MANBAL: variants seen among roughly 807,000 people sequenced by gnomAD.
The protein encoded by MANBAL is mannosidase beta like.
In MANBAL, 1 loss-of-function variant was observed where a neutral mutation model predicts 6.4. The ratio of observed to expected loss-of-function variants is 0.16; its 90% CI spans 0.06 to 0.74. The LOEUF is 0.74. Among genes scored for constraint, MANBAL ranks in the 30% least tolerant of loss-of-function variants. The probability of loss-of-function intolerance (pLI) is 0.78; values close to 1 mark genes in which losing one functional copy is unlikely to be tolerated. For synonymous variants in MANBAL, 47 were observed against 45.8 expected, an observed-to-expected ratio of 1.03 and a Z score of -0.10; for missense variants, 100 against 107.8, an observed-to-expected ratio of 0.93 and a Z score of 0.32.
chr20:37,294,193 T>C (rs1016649630), intron 1 of MANBAL, among the ~76,000 whole-genome samples: 8 of 152,266 alleles, frequency 5.3e-5, no homozygotes, highest in Non-Finnish European at 1.2e-4. Context: ...CTAATTATAG[T>C]GTCATACAGG....
intron 1 of MANBAL, among the ~76,000 whole-genome samples, chr20:37,294,845 A>G (rs1383040450): frequency 6.6e-6 from 1 of 152,254 alleles, no homozygotes; most frequent in African/African-American, 2.4e-5. Flanking sequence ...TGCCTGGCAC[A>G]TAGTAGATTC....
chr20:37,292,000 A>T (rs1254236090), intron 1 of MANBAL, among the ~76,000 whole-genome samples: 2 of 152,236 alleles, frequency 1.3e-5, no homozygotes, highest in African/African-American at 4.8e-5. Context: ...TTCTCATCAC[A>T]TCATATCAAG....
rs770727192 is a variant in MANBAL, at chr20:37,301,424, C to T, written c.150+11C>T. ...AAGTCCCACGAGGCGGTGAGTTTTT[C>T]CCTGGGAGCCTCAGCTCCTCTGAGT... On this transcript the variant is annotated intron_variant, in intron 2 of 2. Coordinates refer to ENST00000373606, the MANE Select transcript of MANBAL (RefSeq NM_001003897.2). 3.1e-5 allele frequency: 50 copies of T among 1,608,170 alleles called. No individual in the cohort carries two copies. Among genetic ancestry groups the T allele is most frequent in the Non-Finnish European group, 3.9e-5 (46 of 1,176,478 alleles).
At chr20:37,316,169 TG>T in intron 2 of MANBAL, 138 bp from the exon 3 acceptor site, 1 of 750,526 alleles carries the variant, frequency 1.3e-6, no homozygotes. Context: ...CACATCCGTG[TG>T]GGTGGTAGGT....
At chr20:37,303,511 T>C (rs1383197366) in intron 2 of MANBAL, among the ~76,000 whole-genome samples, 1 of 152,246 alleles carries the variant, frequency 6.6e-6, no homozygotes, top group Non-Finnish European at 1.5e-5. Context: ...TATCTTATGC[T>C]GGAAATCTTG....
chr20:37,302,154 G>A (rs2069153029), intron 2 of MANBAL: 1 of 1,378,014 alleles, frequency 7.3e-7, no homozygotes, highest in Middle Eastern at 1.8e-4. Context: ...ATTTGCTCGT[G>A]ACATTGATTT....
intron 2 of MANBAL, among the ~76,000 whole-genome samples, chr20:37,314,827 A>G (rs1376850309): frequency 1.3e-5 from 2 of 152,208 alleles, no homozygotes; most frequent in Non-Finnish European, 2.9e-5. Context: ...GATCCGAGGC[A>G]GGGACTGCCC....
At chr20:37,295,876 C>T (rs1453069231) in intron 1 of MANBAL, among the ~76,000 whole-genome samples, 1 of 152,192 alleles carries the variant, frequency 6.6e-6, no homozygotes, top group Non-Finnish European at 1.5e-5. Context: ...TTGAGATCTG[C>T]AGGATGAATA....
At chr20:37,302,156 C>A in intron 2 of MANBAL, 1 of 1,391,298 alleles carries the variant, frequency 7.2e-7, no homozygotes, top group Non-Finnish European at 9.9e-7. Flanking sequence ...TTGCTCGTGA[C>A]ATTGATTTAT....
At chr20:37,291,713 G>A (rs139845133) in intron 1 of MANBAL, among the ~76,000 whole-genome samples, 13 of 152,264 alleles carry the variant, frequency 8.5e-5, no homozygotes, top group African/African-American at 3.1e-4. Flanking sequence ...AATCATGGGG[G>A]TGGGTCTTTC....
intron 2 of MANBAL, among the ~76,000 whole-genome samples, chr20:37,312,589 A>C (rs899209013): frequency 1.1e-4 from 16 of 152,210 alleles, no homozygotes; most frequent in African/African-American, 3.9e-4. Context: ...CCAGACACAT[A>C]ACACAGGGTC....
intron 1 of MANBAL, among the ~76,000 whole-genome samples, chr20:37,292,033 T>C (rs563030300): frequency 6.6e-6 from 1 of 152,364 alleles, no homozygotes; most frequent in Admixed American, 6.5e-5. Context: ...CGATATGAGT[T>C]ATCATTGTTG....
In MANBAL at chr20:37,302,316, G is replaced by T. The variant is rs773992851; in HGVS notation, c.150+903G>T. On this transcript the variant is annotated intron_variant, in intron 2 of 2. Transcript: ENST00000373606. ...AGAGGCCTGATTCCATTCCAGTCAGGTTATTGGGTACGAATACCTCAGAGC... is the reference window on the plus strand; with the variant it reads ...AGAGGCCTGATTCCATTCCAGTCAGTTTATTGGGTACGAATACCTCAGAGC... The T allele has an allele frequency of 1.8e-5, 28 of 1,550,428 alleles. 1 individual carries two copies. The South Asian group carries it at 3.3e-4, about 18-fold the overall frequency.
intron 2 of MANBAL, among the ~76,000 whole-genome samples, chr20:37,306,344 G>T (rs920997749): frequency 1.3e-5 from 2 of 152,300 alleles, no homozygotes; most frequent in African/African-American, 4.8e-5. Context: ...ACTTGCTTAT[G>T]ACTTCAGTAT....
intron 1 of MANBAL, among the ~76,000 whole-genome samples, chr20:37,296,538 G>A (rs1324397402): frequency 6.6e-6 from 1 of 152,200 alleles, no homozygotes; most frequent in East Asian, 1.9e-4. Flanking sequence ...GGTTAGTGAA[G>A]AGGGATTATG....
chr20:37,297,936 C>T (rs542043344), intron 1 of MANBAL, among the ~76,000 whole-genome samples: 1 of 152,202 alleles, frequency 6.6e-6, no homozygotes, highest in African/African-American at 2.4e-5. Flanking sequence ...TGAGCCACTG[C>T]GCCCTGTGAG....
intron 2 of MANBAL, among the ~76,000 whole-genome samples, chr20:37,311,564 G>A (rs375656560): frequency 1.2e-4 from 18 of 152,136 alleles, no homozygotes; most frequent in East Asian, 9.7e-4. Flanking sequence ...CTCGGCTCAC[G>A]GCAGCCCCCA....
intron 1 of MANBAL, among the ~76,000 whole-genome samples, chr20:37,290,256 A>G (rs2068835448): frequency 6.6e-6 from 1 of 152,178 alleles, no homozygotes; most frequent in African/African-American, 2.4e-5. Context: ...TTAGATTAAT[A>G]ATTATATTTT....
intron 2 of MANBAL, among the ~76,000 whole-genome samples, chr20:37,315,989 G>A (rs1190595725): frequency 6.6e-6 from 1 of 152,210 alleles, no homozygotes; most frequent in African/African-American, 2.4e-5. Context: ...CCATTTCACA[G>A]GTGAGTAAAC....
Sources: gnomAD v4.1 joint callset for allele counts (sites outside exome capture counted in the v4.1 genomes callset) on GRCh38, gnomAD v4.1.1 for gene constraint, MANE v1.5 for transcripts, NCBI Gene and HGNC (gene_info 2026-07-23, HGNC 2026-07-21) for gene names.